The following NLRP5 variants were observed in gnomAD, a reference collection of about 807,000 sequenced individuals.
The protein encoded by NLRP5 is NLR family pyrin domain containing 5.
A neutral mutation model predicts 113.1 loss-of-function variants in NLRP5; 93 were observed. The ratio of observed to expected loss-of-function variants is 0.82; its 90% CI spans 0.70 to 0.98. The LOEUF is 0.98. Among genes scored for constraint, NLRP5 ranks in the 50% least tolerant of loss-of-function variants. The pLI is 0.00. For synonymous variants in NLRP5, 751 were observed against 600.7 expected (o/e 1.25, Z -3.66); for missense variants, 1,808 against 1,514.3 (o/e 1.19, Z -3.22).
chr19:56,021,690 A>G (rs1259264806), intron 6 of NLRP5, among the ~76,000 whole-genome samples: 1 of 152,198 alleles, frequency 6.6e-6, no homozygotes, highest in Non-Finnish European at 1.5e-5. Flanking sequence ...TTGTATGGAA[A>G]GACCCCATTT....
intron 3 of NLRP5, among the ~76,000 whole-genome samples, chr19:56,010,054 C>T (rs1982121612): frequency 6.6e-6 from 1 of 152,140 alleles, no homozygotes; most frequent in Non-Finnish European, 1.5e-5. Flanking sequence ...CACAGAGTAA[C>T]CTTGATAGTA....
rs1269504650 is a variant in NLRP5 at position 56,058,374 on chromosome 19, C to T, written c.3434C>T (p.Ala1145Val). The T allele has an allele frequency of 3.7e-6, 6 of 1,613,828 alleles. No individual in the cohort carries two copies. The African/African-American group carries it at 5.3e-5, about 14-fold the overall frequency. The change falls in exon 14 of 15, where the codon GCC (alanine) becomes GTC (valine). Residue 1145 changes from alanine (A) to valine (V), a missense_variant. Transcript: ENST00000390649. ...AAAGGAATGATGAAGCTGTGTTCGG[C>T]CTTTGCCTGTCCCACGTCTAACTTA... is the stretch of plus-strand genomic sequence containing the variant.
At position 56,041,053 on chromosome 19, in the gene NLRP5, G is replaced by A. The variant is rs199737074; in HGVS notation, c.2918G>A (p.Arg973Gln). 59 of 1,613,774 alleles carry A rather than the reference G, an allele frequency of 3.7e-5. No homozygotes were observed. The highest frequency in any genetic ancestry group is 1.6e-4 in the Middle Eastern group (1 of 6,084). ...AACGAAGGTGTAAATCTACTGTGTC[G>A]ATCCATGAGGCTTCCCCACTGTAGT... Residue 973 changes from arginine to glutamine, a missense_variant, in exon 11 of 15, where the codon CGA becomes CAA. Coordinates refer to ENST00000390649, the MANE Select transcript of NLRP5 (RefSeq NM_153447.4).
intron 11 of NLRP5, among the ~76,000 whole-genome samples, chr19:56,044,799 C>T (rs1983662139): frequency 6.6e-6 from 1 of 152,174 alleles, no homozygotes; most frequent in African/African-American, 2.4e-5. Context: ...GCTTTGGCAG[C>T]ATAGTCATTT....
chr19:55,988,167 A>G, the NLRP5 span: 4 of 262,552 alleles, frequency 1.5e-5, no homozygotes, highest in South Asian at 6.3e-5. Context: ...CGAGGTGGGC[A>G]GATTACCTGA....
At chr19:56,054,740 G>A (rs180959378) in intron 13 of NLRP5, among the ~76,000 whole-genome samples, 39 of 152,102 alleles carry the variant, frequency 2.6e-4, no homozygotes, top group African/African-American at 9.2e-4. Flanking sequence ...GTCATGGCTA[G>A]AGGGAATGGG....
intron 9 of NLRP5, among the ~76,000 whole-genome samples, chr19:56,034,192 C>T (rs1004982864): frequency 2.4e-4 from 36 of 152,138 alleles, no homozygotes; most frequent in African/African-American, 8.7e-4. Context: ...AGTTCAAGAC[C>T]AGCCTGGCCA....
At chr19:56,040,704 A>C (rs1244028048) in intron 10 of NLRP5, among the ~76,000 whole-genome samples, 14 of 152,222 alleles carry the variant, frequency 9.2e-5, no homozygotes. Flanking sequence ...TGTGACTGGC[A>C]GATCTAATCA....
At chr19:55,998,722 A>ATG (rs1981469052), upstream of NLRP5, among the ~76,000 whole-genome samples, 4 of 141,424 alleles carry the variant, frequency 2.8e-5, no homozygotes, top group African/African-American at 1.1e-4. Flanking sequence ...GTGTATATAT[A>ATG]TATATATGTG....
At chr19:56,049,277 T>G (rs943343457) in intron 11 of NLRP5, among the ~76,000 whole-genome samples, 13 of 152,126 alleles carry the variant, frequency 8.5e-5, no homozygotes, top group Admixed American at 5.9e-4. Context: ...CCTCCTGGGT[T>G]CAAGCGATTC....
the NLRP5 span, among the ~76,000 whole-genome samples, chr19:55,994,136 C>A: frequency 6.6e-6 from 1 of 152,148 alleles, no homozygotes; most frequent in South Asian, 2.1e-4. Context: ...ATTTATTTTT[C>A]GTCTTTTTTG....
chr19:55,998,704 G>GTATATATA (rs1981452939), upstream of NLRP5, among the ~76,000 whole-genome samples: 5 of 20,028 alleles, frequency 2.5e-4, no homozygotes, highest in Admixed American at 5.7e-4. Flanking sequence ...ATATATATAT[G>GTATATATA]TGTGTGTGTG....
At chr19:56,033,791 A>T in intron 9 of NLRP5, 82 bp downstream of exon 9, 1 of 1,213,636 alleles carries the variant, frequency 8.2e-7, no homozygotes, top group African/African-American at 1.5e-5. Context: ...GGCAAAAATT[A>T]AAGAGCTGCA....
In NLRP5 at chr19:56,013,596, G is replaced by GGTTTTTTTTTTTTTTTTTTTTT. The variant is rs1555765383; in HGVS notation, c.509-2146_509-2145insGTTTTTTTTTTTTTTTTTTTTT. Among the ~76,000 whole-genome samples the GGTTTTTTTTTTTTTTTTTTTTT allele has an allele frequency of 6.6e-4, 39 of 59,288 alleles. 2 individuals carry two copies. Among genetic ancestry groups the GGTTTTTTTTTTTTTTTTTTTTT allele is most frequent in the Admixed American group, 8.2e-4 (4 of 4,858 alleles). 38.9% of individuals were successfully genotyped at this position (59,288 alleles called of 152,430 possible). Reference sequence around the variant, plus strand: ...CATTTATCACATGATGGACATTTGGGTTTTTTTTTTTTTTTTTTTTTGCTA... The same window carrying GGTTTTTTTTTTTTTTTTTTTTT: ...CATTTATCACATGATGGACATTTGGGGTTTTTTTTTTTTTTTTTTTTTTTTTTTTTTTTTTTTTTTTTTGCTA... On this transcript the variant is annotated intron_variant, in intron 3 of 14. Transcript: ENST00000390649.
At chr19:55,987,971 C>A in the NLRP5 span, 1 of 1,334,578 alleles carries the variant, frequency 7.5e-7, no homozygotes, top group Non-Finnish European at 1.1e-6. Context: ...TGACAACTGG[C>A]AAATACCAGG....
intron 6 of NLRP5, among the ~76,000 whole-genome samples, chr19:56,025,918 C>G (rs1244876291): frequency 2.0e-5 from 3 of 152,060 alleles, no homozygotes; most frequent in Non-Finnish European, 4.4e-5. Context: ...CCACAGAGTG[C>G]CAGGCACTGT....
chr19:56,034,817 C>T (rs1436842640), intron 9 of NLRP5, among the ~76,000 whole-genome samples: 2 of 152,072 alleles, frequency 1.3e-5, no homozygotes, highest in African/African-American at 2.4e-5. Flanking sequence ...TCCAGGGACA[C>T]GTTGGTTGGT....
At position 56,007,894 on chromosome 19, in the gene NLRP5, TGCGC is replaced by T. The variant is rs1354380730; in HGVS notation, c.443-890_443-887del. Among the ~76,000 whole-genome samples the T allele has an allele frequency of 1.7e-3, 45 of 26,296 alleles. 3 individuals are homozygous for T. Among genetic ancestry groups the T allele is most frequent in the East Asian group, 0.011 (8 of 752 alleles). The allele number at this position is 26,296 out of a possible 152,430, so 17.3% of individuals were successfully genotyped here. A position where few individuals can be genotyped will look rare whatever the true frequency, so the allele number is the denominator to read the frequency against. On this transcript the variant is annotated intron_variant, in intron 2 of 14. Coordinates refer to ENST00000390649, the MANE Select transcript of NLRP5 (RefSeq NM_153447.4). Reference sequence around the variant, plus strand: ...TTGTGTGTGTGTGTGTGTGTGCGCGTGCGCGCGTGCGTGTGTGTGTGTGTGTGTG... The same window carrying T: ...TTGTGTGTGTGTGTGTGTGTGCGCGTGCGTGCGTGTGTGTGTGTGTGTGTG...
intron 6 of NLRP5, among the ~76,000 whole-genome samples, chr19:56,021,945 A>G (rs1982632537): frequency 6.6e-6 from 1 of 152,200 alleles, no homozygotes; most frequent in African/African-American, 2.4e-5. Context: ...GCCAGGAGTC[A>G]GTGACTAACA....
Sources: gnomAD v4.1 joint callset for allele counts (sites outside exome capture counted in the v4.1 genomes callset) on GRCh38, gnomAD v4.1.1 for gene constraint, MANE v1.5 for transcripts, NCBI Gene and HGNC (gene_info 2026-07-23, HGNC 2026-07-21) for gene names.